Variants in IL16 observed in about 807,000 individuals in gnomAD.
IL16 encodes interleukin 16.
A neutral mutation model predicts 110.1 loss-of-function variants in IL16; 67 were observed. That is an observed-to-expected ratio of 0.61 (90% CI 0.50 to 0.75). The LOEUF (loss-of-function observed/expected upper bound fraction) is 0.75, where lower values mean the gene tolerates loss of function less well. Among genes scored for constraint, IL16 ranks in the 30% least tolerant of loss-of-function variants. The pLI is 0.00. For synonymous variants in IL16, 689 were observed against 662.9 expected (o/e 1.04, Z -0.61); for missense variants, 1,545 against 1,655.0 (o/e 0.93, Z 1.15).
At chr15:81,293,179 A>G in intron 12 of IL16, 142 bp downstream of exon 12, 1 of 882,922 alleles carries the variant, frequency 1.1e-6, no homozygotes, top group Non-Finnish European at 1.7e-6. Flanking sequence ...CCTAGGACTC[A>G]GCTGAGGACT....
At chr15:81,202,189 A>G (rs1895841949) in intron 1 of IL16, among the ~76,000 whole-genome samples, 2 of 152,244 alleles carry the variant, frequency 1.3e-5, no homozygotes, top group Non-Finnish European at 2.9e-5. Context: ...GCTAGGCCTC[A>G]TGGATCAACT....
intron 6 of IL16, among the ~76,000 whole-genome samples, chr15:81,275,257 T>A (rs1898847453): frequency 6.7e-6 from 1 of 150,092 alleles, no homozygotes; most frequent in African/African-American, 2.5e-5. Flanking sequence ...GGAAATGACA[T>A]CCGTTCTCTC....
At position 81,301,381 on chromosome 15, in the gene IL16, G is replaced by C; in HGVS notation, c.3187G>C (p.Glu1063Gln). 6 of 1,613,700 alleles carry C rather than the reference G, an allele frequency of 3.7e-6. No individual in the cohort carries two copies. Among genetic ancestry groups the C allele is most frequent in the Non-Finnish European group, 5.1e-6 (6 of 1,179,892 alleles). Residue 1063 changes from glutamate (E) to glutamine (Q), a missense_variant, in exon 15 of 19, where the codon GAA (glutamate) becomes CAA (glutamine). By Grantham distance (29) the Glu-to-Gln change is conservative. Transcript: ENST00000683961. The part of the protein sequence containing the change: ...ELREYTEGLT[E>Q]AKEDDDGDHS... ...GAGAGAATATACAGAGGGTCTCACG[G>C]AAGCCAAGGAAGACGATGATGGGGA...
intron 10 of IL16, among the ~76,000 whole-genome samples, chr15:81,289,646 G>T (rs1448547149): frequency 6.6e-6 from 1 of 152,116 alleles, no homozygotes; most frequent in African/African-American, 2.4e-5. Flanking sequence ...TGTTGTTGTT[G>T]CTGAGTTGTA....
chr15:81,265,843 G>T, intron 4 of IL16, 42 bp downstream of exon 4: 1 of 1,572,114 alleles, frequency 6.4e-7, no homozygotes, highest in Non-Finnish European at 8.7e-7. Context: ...AGTTTCTCCC[G>T]GGGAGAAGGG....
At chr15:81,274,364 A>T (rs537362932) in intron 6 of IL16, among the ~76,000 whole-genome samples, 2 of 152,358 alleles carry the variant, frequency 1.3e-5, no homozygotes, top group East Asian at 3.9e-4. Context: ...AGTATCCATA[A>T]AAAAGCCTTC....
intron 10 of IL16, among the ~76,000 whole-genome samples, chr15:81,289,732 G>A (rs1434669802): frequency 1.3e-5 from 2 of 152,172 alleles, no homozygotes; most frequent in Non-Finnish European, 2.9e-5. Flanking sequence ...AATTCTATGA[G>A]TTGCCTTTTC....
chr15:81,252,561 A>C (rs553920665), intron 2 of IL16, among the ~76,000 whole-genome samples: 1 of 152,240 alleles, frequency 6.6e-6, no homozygotes, highest in South Asian at 2.1e-4. Context: ...GAGTTGTACA[A>C]CCACACCACT....
At chr15:81,300,924 G>T (rs3858948) in intron 14 of IL16, among the ~76,000 whole-genome samples, 2 of 152,060 alleles carry the variant, frequency 1.3e-5, no homozygotes, top group African/African-American at 4.8e-5. Context: ...CAACTCCCTC[G>T]TCAGGGAGTT....
At chr15:81,182,942 G>T in intron 1 of IL16, 1 of 1,206,988 alleles carries the variant, frequency 8.3e-7, no homozygotes, top group Non-Finnish European at 1.1e-6. Flanking sequence ...AGGGGAGGTT[G>T]GAATGGAGGG....
intron 16 of IL16, 129 bp from the exon 17 acceptor site, chr15:81,305,779 C>T: frequency 4.3e-6 from 5 of 1,160,264 alleles, no homozygotes; most frequent in Non-Finnish European, 4.9e-6. Flanking sequence ...CAATCTAGGA[C>T]ACAATTATCT....
intron 8 of IL16, 61 bp downstream of exon 8, chr15:81,279,835 G>A: frequency 7.0e-7 from 1 of 1,435,406 alleles, no homozygotes; most frequent in Admixed American, 1.8e-5. Flanking sequence ...AGTCTCCCAG[G>A]CTTTCCTCAC....
intron 4 of IL16, among the ~76,000 whole-genome samples, chr15:81,266,232 A>C (rs545832165): frequency 1.6e-4 from 25 of 152,330 alleles, no homozygotes; most frequent in African/African-American, 6.0e-4. Context: ...TTCAAGTCTG[A>C]TCTTTATGAC....
At position 81,236,913 on chromosome 15, in the gene IL16, G is replaced by A. The variant is rs149037341; in HGVS notation, c.312+11202G>A. ...GTGGAGGTTGCAGTGAGCTGAGATC[G>A]CAACCATTGCACTCCAGCCTGGGTA... On this transcript the variant is annotated intron_variant, in intron 2 of 18. Transcript: ENST00000683961. Among the ~76,000 whole-genome samples the A allele has an allele frequency of 6.9e-3, 1,054 of 152,212 alleles. 18 individuals carry two copies. The highest frequency in any genetic ancestry group is 0.024 in the African/African-American group (986 of 41,520).
Position 81,296,942 on chromosome 15 carries a change from G to C in IL16, c.1917G>C (p.Leu639=). ...TTACACCACAGGAAGCGAGAGAGCT[G>C]CTGCCACTGCTGCTACCACAGGAAG... ...PPTCGQEARE[L]LPLLLPQEDT... The change falls in exon 13 of 19, where the codon CTG becomes CTC. Residue 639 remains leucine, a synonymous_variant. Coordinates refer to ENST00000683961, the MANE Select transcript of IL16 (RefSeq NM_172217.5). 1 of 1,611,468 alleles carries C rather than the reference G, an allele frequency of 6.2e-7. No individual in the cohort carries two copies. Among genetic ancestry groups the C allele is most frequent in the Non-Finnish European group, 8.5e-7 (1 of 1,178,884 alleles).
intron 1 of IL16, among the ~76,000 whole-genome samples, chr15:81,223,861 T>C (rs976588462): frequency 6.6e-6 from 1 of 152,228 alleles, no homozygotes; most frequent in Non-Finnish European, 1.5e-5. Flanking sequence ...GCATGAACTC[T>C]GCAGAGGCTT....
intron 1 of IL16, among the ~76,000 whole-genome samples, chr15:81,221,285 G>A (rs900495306): frequency 4.6e-5 from 7 of 152,078 alleles, no homozygotes; most frequent in Non-Finnish European, 7.4e-5. Context: ...CTTCCCCCCC[G>A]GAATCCTCTG....
intron 1 of IL16, among the ~76,000 whole-genome samples, chr15:81,202,267 C>G (rs972627628): frequency 6.6e-6 from 1 of 152,142 alleles, no homozygotes; most frequent in African/African-American, 2.4e-5. Flanking sequence ...AGTGGTGACA[C>G]AAGCCACTGG....
intron 1 of IL16, among the ~76,000 whole-genome samples, chr15:81,211,672 G>A (rs1896249663): frequency 6.6e-6 from 1 of 152,224 alleles, no homozygotes; most frequent in Non-Finnish European, 1.5e-5. Flanking sequence ...ACAGGCATGA[G>A]CCACTGCACT....
Sources: gnomAD v4.1 joint callset for allele counts (sites outside exome capture counted in the v4.1 genomes callset) on GRCh38, gnomAD v4.1.1 for gene constraint, MANE v1.5 for transcripts, NCBI Gene and HGNC (gene_info 2026-07-23, HGNC 2026-07-21) for gene names.